RAD51D: variants seen among roughly 807,000 people sequenced by gnomAD.
The protein encoded by RAD51D is DNA repair protein RAD51 homolog 4.
A neutral mutation model predicts 44.1 loss-of-function variants in RAD51D; 38 were observed. The observed-to-expected ratio is 0.86, with a 90% confidence interval of 0.67 to 1.13. The LOEUF is 1.13. Among genes scored for constraint, RAD51D ranks in the 50% most tolerant of loss-of-function variants. The probability of loss-of-function intolerance (pLI) is 0.00; values close to 1 mark genes in which losing one functional copy is unlikely to be tolerated. For missense variants in RAD51D, 390 were observed against 414.0 expected, an observed-to-expected ratio of 0.94 and a Z score of 0.50; for synonymous variants, 141 against 166.6, an observed-to-expected ratio of 0.85 and a Z score of 1.18.
At chr17:35,119,497 C>A (rs1053088657) in intron 1 of RAD51D, 35 bp downstream of exon 1, 11 of 1,606,564 alleles carry the variant, frequency 6.8e-6, no homozygotes, top group Admixed American at 1.7e-5. Context: ...TGTGCGAGGC[C>A]CGCGCGGCTC....
chr17:35,106,320 A>C (rs1382767318), intron 6 of RAD51D, 66 bp downstream of exon 6: 1 of 1,313,076 alleles, frequency 7.6e-7, no homozygotes, highest in East Asian at 2.3e-5. Flanking sequence ...GTAGTAGGAC[A>C]CCTGCCCACA....
At chr17:35,106,840 G>C (rs1318874361) in intron 5 of RAD51D, 148 bp downstream of exon 5, 2 of 1,194,652 alleles carry the variant, frequency 1.7e-6, no homozygotes, top group East Asian at 4.8e-5. Flanking sequence ...GGCATCAACA[G>C]GGGTGGCTTA....
intron 3 of RAD51D, among the ~76,000 whole-genome samples, chr17:35,108,494 CT>C (rs377672910): frequency 5.5e-5 from 5 of 90,636 alleles, no homozygotes; most frequent in African/African-American, 2.3e-4. Context: ...ACCCTTTTCT[CT>C]TTAAAAAAAA....
chr17:35,100,497 C>T lies in RAD51D; in HGVS notation c.*456G>A, dbSNP rs1392738686. The T allele has an allele frequency of 1.9e-6, 1 of 536,036 alleles. No homozygotes were observed. Among genetic ancestry groups the T allele is most frequent in the East Asian group, 3.9e-5 (1 of 25,812 alleles). 33.2% of individuals were successfully genotyped at this position (536,036 alleles called of 1,614,324 possible). On this transcript the variant is annotated 3_prime_UTR_variant, in exon 10 of 10. Transcript: ENST00000345365. ...AGACAGAGCTAAGGAAGAGTGGGCC[C>T]CCATCTAACAAATGGAAAGGCAGAG...
Position 35,097,457 on chromosome 17 carries a change from ATATATATATGTGTGTATATATATG to A in RAD51D, c.*3472_*3495del, listed in dbSNP as rs1404869359. On this transcript the variant is annotated 3_prime_UTR_variant, in exon 10 of 10. Coordinates refer to ENST00000345365, the MANE Select transcript of RAD51D (RefSeq NM_002878.4). ...TATGTGTGTATATATATGTGTGTAT[ATATATATATGTGTGTATATATATG>A]TATATATATGTGTGTATATGTGTGT... The A allele has an allele frequency of 1.3e-5, 2 of 149,358 alleles. No individual in the cohort carries two copies. Among genetic ancestry groups the A allele is most frequent in the Non-Finnish European group, 3.0e-5 (2 of 67,544 alleles). The allele number at this position is 149,358 out of a possible 1,614,324, so 9.3% of individuals were successfully genotyped here.
chr17:35,105,480 G>A (rs1367776857), intron 6 of RAD51D, among the ~76,000 whole-genome samples: 3 of 152,178 alleles, frequency 2.0e-5, no homozygotes, highest in Non-Finnish European at 4.4e-5. Context: ...ATGTTCTAAA[G>A]TTTGTAAAAA....
rs2142477822 is a variant in RAD51D, at chr17:35,119,163, A to G, written c.92T>C (p.Leu31Pro). Reference sequence around the variant, plus strand: ...TACCTCTTCCAGGTCTGCAGAAACCAGGTCCACCACTGAAAACAAAACACG... The same window carrying G: ...TACCTCTTCCAGGTCTGCAGAAACCGGGTCCACCACTGAAAACAAAACACG... ...RSHRIKTVVD[L>P]VSADLEEVAQ... The change falls in exon 2 of 10, where the codon CTG becomes CCG. Residue 31 changes from leucine to proline, a missense_variant. By Grantham distance (98) the Leu-to-Pro change is moderately conservative. Coordinates refer to ENST00000345365, the MANE Select transcript of RAD51D (RefSeq NM_002878.4). 6.2e-7 allele frequency: 1 copy of G among 1,613,916 alleles called. No individual in the cohort carries two copies. Among genetic ancestry groups the G allele is most frequent in the Non-Finnish European group, 8.5e-7 (1 of 1,179,742 alleles).
At chr17:35,114,453 G>A (rs1239337385) in intron 3 of RAD51D, among the ~76,000 whole-genome samples, 4 of 151,886 alleles carry the variant, frequency 2.6e-5, no homozygotes, top group Non-Finnish European at 5.9e-5. Context: ...GGAGACAGAG[G>A]TAGGATTGCT....
In RAD51D at chr17:35,103,487, C is replaced by G. The variant is rs730881948; in HGVS notation, c.634G>C (p.Val212Leu). ...VVVVDSVTAV[V>L]SPLLGGQQRE... ...TGCTGACCTCCCAGAAGTGGGGAAACCACCGCAGTGACCGAGTCCACAACC... is the reference window on the plus strand; with the variant it reads ...TGCTGACCTCCCAGAAGTGGGGAAAGCACCGCAGTGACCGAGTCCACAACC... The change falls in exon 7 of 10, where the codon GTT (valine) becomes CTT (leucine). Residue 212 changes from valine to leucine, a missense_variant. Val to Leu is a conservative substitution (Grantham distance 32). Transcript: ENST00000345365. The surrounding 1 kb of genome is among the most constrained non-coding windows in gnomAD (Gnocchi z 4.1). 1 of 1,614,212 alleles carries G rather than the reference C, an allele frequency of 6.2e-7. No individual in the cohort carries two copies.
Position 35,099,400 on chromosome 17 carries a change from TAC to T in RAD51D, c.*1551_*1552del, listed in dbSNP as rs1362105447. The T allele has an allele frequency of 5.5e-6, 1 of 181,534 alleles. No homozygotes were observed. The highest frequency in any genetic ancestry group is 1.2e-5 in the Non-Finnish European group (1 of 83,846). The allele number at this position is 181,534 out of a possible 1,614,324, so 11.2% of individuals were successfully genotyped here. A position where few individuals can be genotyped will look rare whatever the true frequency, so the allele number is the denominator to read the frequency against. On this transcript the variant is annotated 3_prime_UTR_variant, in exon 10 of 10. Coordinates refer to ENST00000345365, the MANE Select transcript of RAD51D (RefSeq NM_002878.4). Reference sequence around the variant, plus strand: ...CTGTGGGCTGAAGATGCCCAAATAGTACCTTGAGTGGCAAGAATTTGCAATTT... The same window carrying T: ...CTGTGGGCTGAAGATGCCCAAATAGTCTTGAGTGGCAAGAATTTGCAATTT...
intron 3 of RAD51D, among the ~76,000 whole-genome samples, chr17:35,108,001 C>A (rs556192678): frequency 3.9e-5 from 6 of 151,972 alleles, no homozygotes; most frequent in African/African-American, 1.2e-4. Context: ...CCACCCACCT[C>A]GGCCTCCCAG....
rs1060504768 is a variant in RAD51D, at chr17:35,107,129, G to C, written c.346-7C>G. 1 of 1,613,988 alleles carries C rather than the reference G, an allele frequency of 6.2e-7. No individual in the cohort carries two copies. Among genetic ancestry groups the C allele is most frequent in the Non-Finnish European group, 8.5e-7 (1 of 1,180,006 alleles). On this transcript the variant is annotated splice_region_variant and splice_polypyrimidine_tract_variant and intron_variant, in intron 4 of 9. Coordinates refer to ENST00000345365, the MANE Select transcript of RAD51D (RefSeq NM_002878.4). ...CTGCCATACAGAGACATACCTGGGG[G>C]TGGGGGCATTGGATGAACTTGACAC...
chr17:35,107,344 T>A (rs2142436143), intron 4 of RAD51D, 22 bp downstream of exon 4: 1 of 1,532,112 alleles, frequency 6.5e-7, no homozygotes, highest in Non-Finnish European at 9.0e-7. Context: ...TAAATCCTCC[T>A]GACTGCTGGC....
At chr17:35,106,528 AG>A (rs1199375086) in intron 5 of RAD51D, 47 bp from the exon 6 acceptor site, 2 of 1,410,096 alleles carry the variant, frequency 1.4e-6, no homozygotes, top group South Asian at 1.2e-5. Flanking sequence ...AAGAGGGAGT[AG>A]GGGGGTCAAG....
chr17:35,107,512 A>G, intron 3 of RAD51D, 65 bp from the exon 4 acceptor site: 1 of 1,287,062 alleles, frequency 7.8e-7, no homozygotes, highest in South Asian at 1.2e-5. Flanking sequence ...AAAGGTACCA[A>G]GAAGAAAAGT....
chr17:35,101,081 G>A (rs2142409823), intron 9 of RAD51D, 45 bp from the exon 10 acceptor site: 5 of 1,602,748 alleles, frequency 3.1e-6, no homozygotes, highest in Non-Finnish European at 4.3e-6. Context: ...CAACCCAAGT[G>A]GGTAGCTTCT....
intron 3 of RAD51D, among the ~76,000 whole-genome samples, chr17:35,117,426 C>A (rs959186671): frequency 5.3e-5 from 8 of 152,220 alleles, no homozygotes; most frequent in African/African-American, 1.9e-4. Flanking sequence ...TCAAGACTCA[C>A]TTGGCCAGCA....
At chr17:35,114,788 G>T (rs1397099956) in intron 3 of RAD51D, among the ~76,000 whole-genome samples, 1 of 152,224 alleles carries the variant, frequency 6.6e-6, no homozygotes, top group Non-Finnish European at 1.5e-5. Flanking sequence ...ACTTCGTAAT[G>T]TTTAAAAGAG....
intron 6 of RAD51D, chr17:35,105,038 CTTA>C (rs1299173705): frequency 6.6e-6 from 1 of 152,086 alleles, no homozygotes; most frequent in Non-Finnish European, 1.5e-5. Flanking sequence ...GTTTTGGTAA[CTTA>C]TTATGCAATA....
Sources: allele counts gnomAD v4.1 joint callset (sites outside exome capture counted in the v4.1 genomes callset), GRCh38; gene constraint gnomAD v4.1.1; non-coding constraint Gnocchi (gnomAD v3.1); transcripts MANE v1.5; gene names NCBI Gene and HGNC (gene_info 2026-07-23, HGNC 2026-07-21).